ITGA1: variants seen among roughly 807,000 people sequenced by gnomAD.
ITGA1 encodes integrin alpha-1.
In ITGA1, 85 loss-of-function variants were observed where a neutral mutation model predicts 145.9. The ratio of observed to expected loss-of-function variants is 0.58; its 90% CI spans 0.49 to 0.70. The LOEUF (loss-of-function observed/expected upper bound fraction) is 0.70, where lower values mean the gene tolerates loss of function less well. Among genes scored for constraint, ITGA1 ranks in the 30% least tolerant of loss-of-function variants. The probability of loss-of-function intolerance (pLI) is 0.00; values close to 1 mark genes in which losing one functional copy is unlikely to be tolerated. For missense variants in ITGA1, 1,351 were observed against 1,418.7 expected, an observed-to-expected ratio of 0.95 and a Z score of 0.77; for synonymous variants, 520 against 495.3, an observed-to-expected ratio of 1.05 and a Z score of -0.66.
At chr5:52,872,378 C>T (rs1749790297) in intron 6 of ITGA1, among the ~76,000 whole-genome samples, 1 of 151,996 alleles carries the variant, frequency 6.6e-6, no homozygotes, top group Non-Finnish European at 1.5e-5. Flanking sequence ...TCCCACCCCT[C>T]CAGCCATCAG....
At chr5:52,936,966 A>C (rs1750973861) in intron 23 of ITGA1, among the ~76,000 whole-genome samples, 2 of 151,792 alleles carry the variant, frequency 1.3e-5, no homozygotes, top group Admixed American at 1.3e-4. Context: ...TTAAGGAATT[A>C]TGGCAAACTG....
chr5:52,801,678 G>A, intron 1 of ITGA1: 2 of 1,614,150 alleles, frequency 1.2e-6, no homozygotes, highest in Non-Finnish European at 1.7e-6. Flanking sequence ...ATGTGAGGCT[G>A]GTGGACAGTG....
chr5:52,953,535 A>G lies in ITGA1; in HGVS notation c.*1084A>G, dbSNP rs1751260731. 1 of 152,228 alleles carries G rather than the reference A, an allele frequency of 6.6e-6. No individual in the cohort carries two copies. The highest frequency in any genetic ancestry group is 1.5e-5 in the Non-Finnish European group (1 of 68,046). The allele number at this position is 152,228 out of a possible 1,614,324, so 9.4% of individuals were successfully genotyped here. On this transcript the variant is annotated 3_prime_UTR_variant, in exon 29 of 29. Coordinates refer to ENST00000282588, the MANE Select transcript of ITGA1 (RefSeq NM_181501.2). ...TGAAAAGACAATTTTCCATTTCAGT[A>G]TTACATTTTACCAAGAAGTCACTGC... is the stretch of plus-strand genomic sequence containing the variant.
chr5:52,909,687 AACT>A (rs1199429169), intron 13 of ITGA1, among the ~76,000 whole-genome samples: 1 of 147,520 alleles, frequency 6.8e-6, no homozygotes, highest in African/African-American at 2.7e-5. Flanking sequence ...TCCTCCTGTC[AACT>A]TTTTTTGTCC....
At chr5:52,909,838 C>T (rs1388921408) in intron 13 of ITGA1, among the ~76,000 whole-genome samples, 1 of 149,774 alleles carries the variant, frequency 6.7e-6, no homozygotes, top group East Asian at 2.0e-4. Context: ...AATAAATTTT[C>T]GCTTTGCACA....
At chr5:52,909,890 A>C (rs1319398239) in intron 13 of ITGA1, among the ~76,000 whole-genome samples, 2 of 151,958 alleles carry the variant, frequency 1.3e-5, no homozygotes, top group Non-Finnish European at 2.9e-5. Flanking sequence ...TTAAGGATAT[A>C]ATATTATTTG....
intron 2 of ITGA1, among the ~76,000 whole-genome samples, chr5:52,851,834 C>T (rs915540165): frequency 1.3e-5 from 2 of 152,108 alleles, no homozygotes; most frequent in African/African-American, 4.8e-5. Flanking sequence ...AAATGTGGGT[C>T]AGTCAATCAA....
chr5:52,855,529 A>C (rs767271665), intron 2 of ITGA1, among the ~76,000 whole-genome samples: 6 of 152,184 alleles, frequency 3.9e-5, no homozygotes, highest in Non-Finnish European at 8.8e-5. Context: ...TTGTGAACAA[A>C]ATAGAAAAAC....
At chr5:52,804,700 A>G (rs1561213581) in intron 1 of ITGA1, among the ~76,000 whole-genome samples, 1 of 152,206 alleles carries the variant, frequency 6.6e-6, no homozygotes, top group Non-Finnish European at 1.5e-5. Context: ...AACCAAGTAT[A>G]CATATGAAAC....
intron 28 of ITGA1, among the ~76,000 whole-genome samples, chr5:52,950,377 T>C (rs973695977): frequency 6.6e-6 from 1 of 152,200 alleles, no homozygotes; most frequent in Admixed American, 6.5e-5. Context: ...CACTTTTTAG[T>C]CTTTTATACA....
intron 1 of ITGA1, among the ~76,000 whole-genome samples, chr5:52,807,428 TAAAG>T (rs1183987136): frequency 6.6e-6 from 1 of 151,930 alleles, no homozygotes; most frequent in African/African-American, 2.4e-5. Flanking sequence ...AAAATGAAAT[TAAAG>T]AAGATTAAAT....
chr5:52,800,420 A>G, intron 1 of ITGA1: 2 of 1,614,000 alleles, frequency 1.2e-6, no homozygotes, highest in Non-Finnish European at 1.7e-6. Flanking sequence ...AAGAACATCG[A>G]GAAGGACAAT....
intron 1 of ITGA1, among the ~76,000 whole-genome samples, chr5:52,798,340 T>A (rs187687044): frequency 9.9e-5 from 15 of 152,262 alleles, no homozygotes; most frequent in African/African-American, 3.6e-4. Flanking sequence ...TATTAATAAG[T>A]AGTGGTTCTT....
chr5:52,947,732 G>A (rs1489437326), intron 28 of ITGA1, among the ~76,000 whole-genome samples: 1 of 151,998 alleles, frequency 6.6e-6, no homozygotes, highest in African/African-American at 2.4e-5. Flanking sequence ...AGTATGATAG[G>A]GGACTTTCAC....
At chr5:52,827,869 A>G (rs894805419) in intron 1 of ITGA1, among the ~76,000 whole-genome samples, 3 of 152,218 alleles carry the variant, frequency 2.0e-5, no homozygotes, top group Non-Finnish European at 4.4e-5. Flanking sequence ...ATTACATTGT[A>G]GTTCAAACAC....
intron 2 of ITGA1, among the ~76,000 whole-genome samples, chr5:52,858,555 T>C (rs1250366453): frequency 6.6e-6 from 1 of 152,248 alleles, no homozygotes; most frequent in Non-Finnish European, 1.5e-5. Flanking sequence ...ATATTGTTAA[T>C]AAACATTAAT....
intron 1 of ITGA1, among the ~76,000 whole-genome samples, chr5:52,797,017 T>G (rs546440236): frequency 6.6e-6 from 1 of 152,154 alleles, no homozygotes; most frequent in African/African-American, 2.4e-5. Flanking sequence ...GGGAAGTAAA[T>G]TTGTAAGGCC....
chr5:52,858,057 G>A (rs1749544071), intron 2 of ITGA1, among the ~76,000 whole-genome samples: 1 of 152,108 alleles, frequency 6.6e-6, no homozygotes. Context: ...TCCATCCTCT[G>A]TACTTCCTGA....
chr5:52,865,243 G>T (rs1260920579), intron 5 of ITGA1, among the ~76,000 whole-genome samples, 161 bp downstream of exon 5: 1 of 152,136 alleles, frequency 6.6e-6, no homozygotes, highest in African/African-American at 2.4e-5. Context: ...AACAAAATCT[G>T]ACTGCTATTT....
Sources: allele counts gnomAD v4.1 joint callset (sites outside exome capture counted in the v4.1 genomes callset), GRCh38; gene constraint gnomAD v4.1.1; transcripts MANE v1.5; gene names NCBI Gene and HGNC (gene_info 2026-07-23, HGNC 2026-07-21).